SLC30A9: variants seen among roughly 807,000 people sequenced by gnomAD.
The protein encoded by SLC30A9 is solute carrier family 30 member 9.
A neutral mutation model predicts 87.5 loss-of-function variants in SLC30A9; 58 were observed. The observed-to-expected ratio is 0.66, with a 90% CI of 0.54 to 0.82. SLC30A9 has a LOEUF of 0.82. SLC30A9 is among the 40% of genes least tolerant of loss of function. SLC30A9 has a pLI of 0.00. For missense variants in SLC30A9, 557 were observed against 679.1 expected (o/e 0.82, Z 2.00); for synonymous variants, 234 against 233.0 (o/e 1.00, Z -0.04).
chr4:42,067,066 T>G lies in SLC30A9; in HGVS notation c.1145-19T>G, dbSNP rs780929285. On this transcript the variant is annotated intron_variant, in intron 13 of 17. Coordinates refer to ENST00000264451, the MANE Select transcript of SLC30A9 (RefSeq NM_006345.4). Reference sequence around the variant, plus strand: ...AGATTTTAGAAATTTTCTTGTCTTGTCTCTTCCCCAATGACTAGTAATGGA... The same window carrying G: ...AGATTTTAGAAATTTTCTTGTCTTGGCTCTTCCCCAATGACTAGTAATGGA... The G allele has an allele frequency of 6.8e-7, 1 of 1,477,986 alleles. No homozygotes were observed. Among genetic ancestry groups the G allele is most frequent in the African/African-American group, 1.4e-5 (1 of 72,078 alleles). 91.6% of individuals were successfully genotyped at this position (1,477,986 alleles called of 1,614,324 possible). A position where few individuals can be genotyped will look rare whatever the true frequency, so the allele number is the denominator to read the frequency against.
At chr4:42,024,244 G>A (rs4498166) in intron 6 of SLC30A9, among the ~76,000 whole-genome samples, 38,364 of 152,136 alleles carry the variant, frequency 0.25, 7,081 homozygotes, top group African/African-American at 0.53. Context: ...CCAGCTACTT[G>A]CCTGTAATCC....
At chr4:42,048,528 G>A (rs1005802691) in intron 8 of SLC30A9, among the ~76,000 whole-genome samples, 8 of 151,996 alleles carry the variant, frequency 5.3e-5, no homozygotes, top group South Asian at 4.1e-4. Context: ...CTAGCATAAC[G>A]TCTGAGATAA....
At chr4:42,059,781 TCTGTA>T (rs2153139600) in intron 9 of SLC30A9, among the ~76,000 whole-genome samples, 1 of 152,332 alleles carries the variant, frequency 6.6e-6, no homozygotes, top group South Asian at 2.1e-4. Flanking sequence ...AAGCATAAGT[TCTGTA>T]CTGTACATAC....
intron 6 of SLC30A9, among the ~76,000 whole-genome samples, chr4:42,031,511 G>A (rs1006582329): frequency 2.6e-5 from 4 of 152,124 alleles, no homozygotes; most frequent in Non-Finnish European, 5.9e-5. Context: ...TGCTTTCAAA[G>A]CAATGAATAT....
At chr4:41,993,057 A>C (rs73810455) in intron 1 of SLC30A9, among the ~76,000 whole-genome samples, 186 of 152,154 alleles carry the variant, frequency 1.2e-3, no homozygotes, top group African/African-American at 3.4e-3. Context: ...TCTAAAAGAA[A>C]TATGAGAGCC....
intron 11 of SLC30A9, among the ~76,000 whole-genome samples, chr4:42,065,008 C>G (rs990929658): frequency 6.6e-6 from 1 of 151,998 alleles, no homozygotes; most frequent in South Asian, 2.1e-4. Context: ...ACATTGGTTA[C>G]TGTTTGTAAC....
At chr4:42,029,948 C>G (rs540077683) in intron 6 of SLC30A9, 3 of 844,254 alleles carry the variant, frequency 3.6e-6, no homozygotes, top group East Asian at 6.5e-5. Flanking sequence ...ATTATCCCTA[C>G]TATGGCAAAC....
intron 15 of SLC30A9, among the ~76,000 whole-genome samples, chr4:42,072,959 G>C (rs1048788140): frequency 9.9e-5 from 15 of 152,142 alleles, no homozygotes; most frequent in East Asian, 5.8e-4. Context: ...GATTACAGGT[G>C]CTCACCACCA....
intron 6 of SLC30A9, 96 bp from the exon 7 acceptor site, chr4:42,035,179 G>T: frequency 8.2e-7 from 1 of 1,214,096 alleles, no homozygotes; most frequent in Admixed American, 2.4e-5. Context: ...AGCTAGTAGC[G>T]CATATTTAAC....
chr4:42,075,643 G>A lies in SLC30A9; in HGVS notation c.1419-14G>A. 1 of 1,610,202 alleles carries A rather than the reference G, an allele frequency of 6.2e-7. No homozygotes were observed. Among genetic ancestry groups the A allele is most frequent in the East Asian group, 2.2e-5 (1 of 44,724 alleles). On this transcript the variant is annotated splice_polypyrimidine_tract_variant and intron_variant, in intron 15 of 17. Coordinates refer to ENST00000264451, the MANE Select transcript of SLC30A9 (RefSeq NM_006345.4). ...ATGTATAAATAAATTTGTATGCATT[G>A]TTATTGATTGCAGGGCAATTCATGA...
Position 42,090,353 on chromosome 4 carries a change from C to T in SLC30A9, c.*4227C>T, listed in dbSNP as rs933560131. ...TTTATGCAAAAAGAAAATTTTTATT[C>T]GTTATATTGTATTTCATCTGTCTGA... On this transcript the variant is annotated 3_prime_UTR_variant, in exon 18 of 18. Transcript: ENST00000264451. 2.6e-5 allele frequency: 4 copies of T among 152,120 alleles called. No individual in the cohort carries two copies. Among genetic ancestry groups the T allele is most frequent in the African/African-American group, 7.2e-5 (3 of 41,412 alleles). The allele number at this position is 152,120 out of a possible 1,614,324, so 9.4% of individuals were successfully genotyped here.
At chr4:42,030,632 G>A (rs2153136508) in intron 6 of SLC30A9, among the ~76,000 whole-genome samples, 1 of 150,264 alleles carries the variant, frequency 6.7e-6, no homozygotes, top group East Asian at 1.9e-4. Flanking sequence ...CCATCAATGA[G>A]CATCTTTAAC....
intron 7 of SLC30A9, among the ~76,000 whole-genome samples, chr4:42,037,935 T>C (rs1193168672): frequency 1.3e-5 from 2 of 152,082 alleles, no homozygotes; most frequent in African/African-American, 4.8e-5. Context: ...CACAGCCGGC[T>C]GATTTTTTTG....
rs930122128 is a variant in SLC30A9 at position 41,990,536 on chromosome 4, C to T, written c.-116C>T. Reference sequence around the variant, plus strand: ...TGCCGTTTCCGGGTCACCCAGGCAGCTTGTGGCGGCGAAGCCATCGGTGTT... The same window carrying T: ...TGCCGTTTCCGGGTCACCCAGGCAGTTTGTGGCGGCGAAGCCATCGGTGTT... On this transcript the variant is annotated 5_prime_UTR_variant, in exon 1 of 18. Coordinates refer to ENST00000264451, the MANE Select transcript of SLC30A9 (RefSeq NM_006345.4). 10 of 598,242 alleles carry T rather than the reference C, an allele frequency of 1.7e-5. No homozygotes were observed. The highest frequency in any genetic ancestry group is 2.3e-5 in the Non-Finnish European group (8 of 349,046). The allele number at this position is 598,242 out of a possible 1,614,324, so 37.1% of individuals were successfully genotyped here.
At chr4:42,068,633 CCT>C (rs1718185089) in intron 14 of SLC30A9, among the ~76,000 whole-genome samples, 1 of 152,160 alleles carries the variant, frequency 6.6e-6, no homozygotes, top group African/African-American at 2.4e-5. Flanking sequence ...TTTCTAAGAA[CCT>C]ATTGACAACA....
intron 10 of SLC30A9, among the ~76,000 whole-genome samples, chr4:42,060,808 A>G (rs4413440): frequency 0.67 from 101,506 of 152,048 alleles, 37,563 homozygotes; most frequent in East Asian, 0.96. Flanking sequence ...AATTCCACAA[A>G]CATCATTTTA....
chr4:41,991,219 A>G (rs1312977074), intron 1 of SLC30A9, among the ~76,000 whole-genome samples: 2 of 152,202 alleles, frequency 1.3e-5, no homozygotes, highest in Non-Finnish European at 2.9e-5. Flanking sequence ...TAAATTTTCT[A>G]AAAGGAAGGA....
intron 17 of SLC30A9, among the ~76,000 whole-genome samples, chr4:42,082,924 A>T (rs1718794628): frequency 6.6e-6 from 1 of 152,138 alleles, no homozygotes; most frequent in Non-Finnish European, 1.5e-5. Flanking sequence ...ACTAATTCAT[A>T]GATTCCCATA....
chr4:42,042,984 G>A (rs964760113), intron 8 of SLC30A9, among the ~76,000 whole-genome samples: 1 of 152,182 alleles, frequency 6.6e-6, no homozygotes, highest in Non-Finnish European at 1.5e-5. Context: ...CAGCAGAGAG[G>A]CCTGACTGTT....
Sources: allele counts gnomAD v4.1 joint callset (sites outside exome capture counted in the v4.1 genomes callset), GRCh38; gene constraint gnomAD v4.1.1; transcripts MANE v1.5; gene names NCBI Gene and HGNC (gene_info 2026-07-23, HGNC 2026-07-21).